The following LRIF1 variants were observed in gnomAD, a reference collection of about 807,000 sequenced individuals.
The protein encoded by LRIF1 is ligand-dependent nuclear receptor-interacting factor 1.
LRIF1 carries 32 observed loss-of-function variants against 52.7 expected under a neutral mutation model. The observed-to-expected ratio is 0.61, with a 90% confidence interval of 0.46 to 0.82. The LOEUF is 0.82. LRIF1 is among the 40% of genes least tolerant of loss of function. The pLI, the probability that LRIF1 is intolerant of heterozygous loss-of-function variation, is 0.00. For missense variants in LRIF1, 887 were observed against 892.0 expected, an observed-to-expected ratio of 0.99 and a Z score of 0.07; for synonymous variants, 323 against 317.4, an observed-to-expected ratio of 1.02 and a Z score of -0.19.
chr1:110,939,674 G>A, the LRIF1 span: 40,863 of 151,954 alleles, frequency 0.27, 5,890 homozygotes, highest in East Asian at 0.35. Context: ...ACCTGGAAAC[G>A]AATCCACACA....
chr1:110,899,150 C>T, the LRIF1 span: 1 of 1,613,830 alleles, frequency 6.2e-7, no homozygotes, highest in Non-Finnish European at 8.5e-7. Flanking sequence ...TTGCACTGAC[C>T]CTGAACTGCC....
chr1:110,892,598 T>C, the LRIF1 span: 1 of 1,305,496 alleles, frequency 7.7e-7, no homozygotes. Context: ...CCAGGCAAGA[T>C]GTTTCTTGGT....
chr1:110,899,294 C>A, the LRIF1 span: 1 of 830,850 alleles, frequency 1.2e-6, no homozygotes, highest in Non-Finnish European at 2.0e-6. Flanking sequence ...GATGATCCTC[C>A]TCCCATCCTT....
the LRIF1 span, among the ~76,000 whole-genome samples, chr1:110,934,914 C>A: frequency 6.6e-6 from 1 of 152,166 alleles, no homozygotes; most frequent in African/African-American, 2.4e-5. Flanking sequence ...AGGTATGACA[C>A]AGCATTGTCA....
Position 110,950,139 on chromosome 1 carries a change from GAAAACACAC to G in LRIF1, c.1597-25_1597-17del. 1 of 1,593,272 alleles carries G rather than the reference GAAAACACAC, an allele frequency of 6.3e-7. No homozygotes were observed. Among genetic ancestry groups the G allele is most frequent in the Non-Finnish European group, 8.5e-7 (1 of 1,169,912 alleles). ...CATTATGGATCTGGAATTAGGAAAA[GAAAACACAC>G]AAACAATACTGCTAATTATTCAAGT... On this transcript the variant is annotated splice_polypyrimidine_tract_variant and intron_variant, in intron 2 of 3. Coordinates refer to ENST00000369763, the MANE Select transcript of LRIF1 (RefSeq NM_018372.4).
At chr1:110,905,153 G>A in the LRIF1 span, among the ~76,000 whole-genome samples, 3 of 152,058 alleles carry the variant, frequency 2.0e-5, no homozygotes, top group Non-Finnish European at 2.9e-5. Context: ...AACCTCAGAA[G>A]GGCAAATTTA....
chr1:110,959,614 G>T (rs927470227), intron 1 of LRIF1, among the ~76,000 whole-genome samples: 2 of 151,776 alleles, frequency 1.3e-5, no homozygotes, highest in African/African-American at 4.8e-5. Flanking sequence ...GCCGGGCGTG[G>T]TGGCACACGC....
the LRIF1 span, chr1:110,892,518 G>A: frequency 6.2e-7 from 1 of 1,613,918 alleles, no homozygotes; most frequent in South Asian, 1.1e-5. Context: ...AGGAAAACAA[G>A]TGTCTGCTTA....
At chr1:110,897,078 A>G in the LRIF1 span, among the ~76,000 whole-genome samples, 8 of 152,208 alleles carry the variant, frequency 5.3e-5, no homozygotes, top group South Asian at 1.4e-3. Context: ...GTTGAGATAG[A>G]AAAGTTTCTC....
At chr1:110,926,064 T>C in the LRIF1 span, among the ~76,000 whole-genome samples, 1 of 152,030 alleles carries the variant, frequency 6.6e-6, no homozygotes. Flanking sequence ...TTGGTAAAAA[T>C]GTCATTTTCA....
In LRIF1 at chr1:110,952,145, G is replaced by T. The variant is rs139818648; in HGVS notation, c.739C>A (p.Gln247Lys). The change falls in exon 2 of 4, where the codon CAA becomes AAA. Residue 247 changes from glutamine to lysine, a missense_variant. Physicochemically the swap from Gln to Lys is moderately conservative, Grantham distance 53. Coordinates refer to ENST00000369763, the MANE Select transcript of LRIF1 (RefSeq NM_018372.4). Reference protein sequence around the residue: ...TVKNVVTKNFQNIYPKPVTEI... With the variant: ...TVKNVVTKNFKNIYPKPVTEI... ...GTAACAGGTTTTGGGTAAATGTTTT[G>T]AAAGTTCTTGGTAACTACATTTTTC... 4.5e-5 allele frequency: 72 copies of T among 1,614,128 alleles called. No homozygotes were observed. In the Middle Eastern group the frequency reaches 8.2e-4, roughly 18 times the overall value.
At chr1:110,937,720 A>G in the LRIF1 span, 1 of 152,226 alleles carries the variant, frequency 6.6e-6, no homozygotes, top group Admixed American at 6.5e-5. Context: ...AAAAGAAATA[A>G]TAAAGAGCAG....
intron 1 of LRIF1, among the ~76,000 whole-genome samples, chr1:110,955,721 T>C (rs74722897): frequency 0.056 from 8,535 of 152,176 alleles, 288 homozygotes; most frequent in East Asian, 0.14. Context: ...CTTTTTAAAC[T>C]TTGACTGTCA....
the LRIF1 span, among the ~76,000 whole-genome samples, chr1:110,883,101 G>C: frequency 1.8e-4 from 28 of 152,038 alleles, no homozygotes; most frequent in African/African-American, 6.3e-4. Flanking sequence ...GCCAAATAGA[G>C]TAGTTAAGAG....
intron 2 of LRIF1, among the ~76,000 whole-genome samples, chr1:110,950,406 G>A (rs984650191): frequency 6.6e-6 from 1 of 152,122 alleles, no homozygotes; most frequent in East Asian, 1.9e-4. Flanking sequence ...TAATGACAAC[G>A]TTAAAATAAC....
At chr1:110,913,887 A>C in the LRIF1 span, among the ~76,000 whole-genome samples, 4 of 152,196 alleles carry the variant, frequency 2.6e-5, no homozygotes, top group Non-Finnish European at 5.9e-5. Context: ...ACATGGAATC[A>C]ACCTGGATGC....
chr1:110,955,609 A>T, intron 1 of LRIF1, among the ~76,000 whole-genome samples: 1 of 152,224 alleles, frequency 6.6e-6, no homozygotes, highest in East Asian at 1.9e-4. Flanking sequence ...TTAAAAATGT[A>T]CACTGAAAAC....
chr1:110,947,849 A>G lies in LRIF1; in HGVS notation c.*110T>C. On this transcript the variant is annotated 3_prime_UTR_variant, in exon 4 of 4. Coordinates refer to ENST00000369763, the MANE Select transcript of LRIF1 (RefSeq NM_018372.4). ...AAAGTTGTACAATCGACTGATGAAA[A>G]AACAAGCTTCATATTCAAAGACACT... 7.0e-7 allele frequency: 1 copy of G among 1,421,876 alleles called. No individual in the cohort carries two copies. The highest frequency in any genetic ancestry group is 1.5e-5 in the South Asian group (1 of 66,224). The allele number at this position is 1,421,876 out of a possible 1,614,324, so 88.1% of individuals were successfully genotyped here. A position where few individuals can be genotyped will look rare whatever the true frequency, so the allele number is the denominator to read the frequency against.
chr1:110,916,506 G>A, the LRIF1 span, among the ~76,000 whole-genome samples: 1 of 152,010 alleles, frequency 6.6e-6, no homozygotes, highest in South Asian at 2.1e-4. Flanking sequence ...AATATAAAAT[G>A]ATACCAAAAA....
Sources: allele counts gnomAD v4.1 joint callset (sites outside exome capture counted in the v4.1 genomes callset), GRCh38; gene constraint gnomAD v4.1.1; transcripts MANE v1.5; gene names NCBI Gene and HGNC (gene_info 2026-07-23, HGNC 2026-07-21).